GLRA2: variants seen among roughly 807,000 people sequenced by gnomAD.
GLRA2 encodes the protein glycine receptor subunit alpha-2.
Under a neutral mutation model 31.6 loss-of-function variants are expected in GLRA2, and 11 were observed. The ratio of observed to expected loss-of-function variants is 0.35; its 90% CI spans 0.22 to 0.58. The LOEUF (loss-of-function observed/expected upper bound fraction) is 0.58. Among genes scored for constraint, GLRA2 ranks in the 20% least tolerant of loss-of-function variants. GLRA2 has a pLI of 0.84. For synonymous variants in GLRA2, 132 were observed against 134.0 expected (o/e 0.99, Z 0.10); for missense variants, 212 against 351.8 (o/e 0.60, Z 3.18).
At chrX:14,712,606 A>G (rs993114755) in intron 8 of GLRA2, among the ~76,000 whole-genome samples, 1 of 109,681 alleles carries the variant, frequency 9.1e-6, no homozygotes, top group Admixed American at 9.7e-5. Flanking sequence ...AGTCATGAAG[A>G]CAAAGACATT....
chrX:14,598,889 G>C (rs983883692), intron 4 of GLRA2, among the ~76,000 whole-genome samples: 1 of 112,151 alleles, frequency 8.9e-6, no homozygotes, highest in South Asian at 3.7e-4. Flanking sequence ...TACAATATTT[G>C]ATTTAACAAC....
Position 14,607,140 on chromosome X carries a change from C to T in GLRA2, c.587C>T (p.Thr196Met). ...CTMQLESFGYTMNDLIFEWLS... is the reference protein window; with the variant it reads ...CTMQLESFGYMMNDLIFEWLS... ...GATTTCTTTACCTCAGTTGGGTACACGATGAATGACCTGATATTTGAGTGG... is the reference window on the plus strand; with the variant it reads ...GATTTCTTTACCTCAGTTGGGTACATGATGAATGACCTGATATTTGAGTGG... The change falls in exon 6 of 9, where the codon ACG becomes ATG. Residue 196 changes from threonine (T) to methionine (M), a missense_variant. Physicochemically the swap from Thr to Met is moderately conservative, Grantham distance 81. Around this residue, in one of 5 missense-constraint regions of GLRA2, gnomAD observed 110 missense variants for 232.6 expected, o/e 0.47. Transcript: ENST00000218075. 2.5e-6 allele frequency: 3 copies of T among 1,185,946 alleles called. No individual in the cohort carries two copies. The highest frequency in any genetic ancestry group is 3.4e-6 in the Non-Finnish European group (3 of 874,152).
intron 8 of GLRA2, among the ~76,000 whole-genome samples, chrX:14,703,205 G>A (rs2091571462): frequency 9.0e-6 from 1 of 111,596 alleles, no homozygotes; most frequent in Non-Finnish European, 1.9e-5. Flanking sequence ...ACCTATAGTG[G>A]GGAAATAAAC....
intron 2 of GLRA2, among the ~76,000 whole-genome samples, chrX:14,534,638 A>G (rs776626391): frequency 1.8e-5 from 2 of 111,059 alleles, no homozygotes; most frequent in Non-Finnish European, 3.8e-5. Flanking sequence ...TATTTTATAT[A>G]TACATACATA....
At chrX:14,622,780 G>A (rs1016524137) in intron 7 of GLRA2, among the ~76,000 whole-genome samples, 4 of 111,778 alleles carry the variant, frequency 3.6e-5, no homozygotes, top group African/African-American at 1.3e-4. Flanking sequence ...TTTGAAGTCA[G>A]GTAGCGTGAT....
At chrX:14,634,051 C>T (rs1277991518) in intron 7 of GLRA2, among the ~76,000 whole-genome samples, 6 of 111,870 alleles carry the variant, frequency 5.4e-5, no homozygotes, top group Admixed American at 9.4e-5. Flanking sequence ...CTGGTTCAAG[C>T]GATTCTCATG....
the GLRA2 span, among the ~76,000 whole-genome samples, chrX:14,496,016 T>C: frequency 2.7e-5 from 3 of 111,519 alleles, no homozygotes; most frequent in African/African-American, 9.8e-5. Context: ...TGAGCTGACA[T>C]TTCTAGCTAA....
At chrX:14,490,961 G>C in the GLRA2 span, among the ~76,000 whole-genome samples, 1 of 111,682 alleles carries the variant, frequency 9.0e-6, no homozygotes, top group African/African-American at 3.3e-5. Flanking sequence ...ACCAATTCAA[G>C]ATCAATTTAG....
chrX:14,537,354 C>T (rs917030841), intron 2 of GLRA2, among the ~76,000 whole-genome samples: 1 of 111,190 alleles, frequency 9.0e-6, no homozygotes, highest in African/African-American at 3.3e-5. Flanking sequence ...CTGCATGCTT[C>T]TTGAATGCTC....
chrX:14,690,677 CTG>C lies in GLRA2; in HGVS notation c.931-19_931-18del, dbSNP rs113205021. The C allele has an allele frequency of 3.2e-3, 2,332 of 737,226 alleles. 1 individual carries two copies. Among genetic ancestry groups the C allele is most frequent in the Middle Eastern group, 5.0e-3 (14 of 2,811 alleles). The allele number at this position is 737,226 out of a possible 1,213,427, so 60.8% of individuals were successfully genotyped here. ...TCTTTCTTTCTCTCTCTCTCTCTCT[CTG>C]TGTGTGTGTGTGTCTCTCTCTCTCT... On this transcript the variant is annotated intron_variant, in intron 7 of 8. Coordinates refer to ENST00000218075, the MANE Select transcript of GLRA2 (RefSeq NM_002063.4).
chrX:14,469,107 C>T, the GLRA2 span, among the ~76,000 whole-genome samples: 14 of 111,408 alleles, frequency 1.3e-4, no homozygotes, highest in South Asian at 2.7e-3. Flanking sequence ...TTCTCCCATT[C>T]TGTAGGTTGC....
chrX:14,662,795 A>G (rs937267333), intron 7 of GLRA2, among the ~76,000 whole-genome samples: 2 of 112,040 alleles, frequency 1.8e-5, no homozygotes, highest in Non-Finnish European at 3.8e-5. Context: ...GAACTTTTCT[A>G]TGACAGAGCA....
intron 8 of GLRA2, among the ~76,000 whole-genome samples, chrX:14,729,076 CATATT>C (rs1019117430): frequency 8.9e-6 from 1 of 112,412 alleles, no homozygotes; most frequent in Non-Finnish European, 1.9e-5. Flanking sequence ...GGCTGTCATT[CATATT>C]ATAAGTCCTT....
At chrX:14,686,428 A>G (rs1269729274) in intron 7 of GLRA2, among the ~76,000 whole-genome samples, 1 of 111,104 alleles carries the variant, frequency 9.0e-6, no homozygotes, top group African/African-American at 3.3e-5. Context: ...AAAGTCTCCC[A>G]TTATTATTGT....
At chrX:14,588,114 C>T (rs777378218) in intron 4 of GLRA2, among the ~76,000 whole-genome samples, 16 of 110,875 alleles carry the variant, frequency 1.4e-4, no homozygotes, top group South Asian at 7.7e-4. Context: ...TCCATGTTGG[C>T]CAGGCTGGTC....
the GLRA2 span, among the ~76,000 whole-genome samples, chrX:14,488,455 T>C: frequency 9.0e-6 from 1 of 111,640 alleles, no homozygotes; most frequent in African/African-American, 3.3e-5. Flanking sequence ...AAGAGGTGTT[T>C]CCCTCACTTT....
chrX:14,475,041 A>T, the GLRA2 span, among the ~76,000 whole-genome samples: 1 of 111,725 alleles, frequency 9.0e-6, no homozygotes, highest in Admixed American at 9.5e-5. Flanking sequence ...GGAGGAGTGG[A>T]CACCTTTTTC....
intron 4 of GLRA2, among the ~76,000 whole-genome samples, chrX:14,598,742 T>C (rs1355799151): frequency 8.9e-6 from 1 of 112,253 alleles, no homozygotes; most frequent in Non-Finnish European, 1.9e-5. Flanking sequence ...CTCACACAAA[T>C]TTTAGGATAC....
intron 3 of GLRA2, among the ~76,000 whole-genome samples, chrX:14,580,375 G>C (rs1449779820): frequency 2.7e-5 from 3 of 112,149 alleles, no homozygotes; most frequent in Non-Finnish European, 5.6e-5. Context: ...CTCAATCGGA[G>C]TCCAGATTAT....
Sources: allele counts gnomAD v4.1 joint callset (sites outside exome capture counted in the v4.1 genomes callset), GRCh38; gene constraint gnomAD v4.1.1; regional missense constraint gnomAD v4.1.1; transcripts MANE v1.5; gene names NCBI Gene and HGNC (gene_info 2026-07-23, HGNC 2026-07-21).